Variants in DDX10 observed in about 807,000 individuals in gnomAD.
The protein encoded by DDX10 is probable ATP-dependent RNA helicase DDX10.
A neutral mutation model predicts 104.3 loss-of-function variants in DDX10; 74 were observed. The observed-to-expected ratio is 0.71, with a 90% CI of 0.59 to 0.86. DDX10 has a LOEUF of 0.86. DDX10 is among the 40% of genes least tolerant of loss of function. The probability of loss-of-function intolerance (pLI) is 0.00; values close to 1 mark genes in which losing one functional copy is unlikely to be tolerated. For missense variants in DDX10, 952 were observed against 1,040.0 expected, an observed-to-expected ratio of 0.92 and a Z score of 1.16; for synonymous variants, 351 against 353.4, an observed-to-expected ratio of 0.99 and a Z score of 0.08.
chr11:108,711,790 A>G (rs998037540), intron 10 of DDX10, among the ~76,000 whole-genome samples: 20 of 152,196 alleles, frequency 1.3e-4, no homozygotes, highest in African/African-American at 4.6e-4. Context: ...ATGTTGTTGG[A>G]TAAAGTAGTC....
At chr11:108,897,820 A>C (rs1163897873) in intron 16 of DDX10, among the ~76,000 whole-genome samples, 1 of 152,142 alleles carries the variant, frequency 6.6e-6, no homozygotes, top group African/African-American at 2.4e-5. Context: ...TTTCAAATAC[A>C]GAAGTCTTTT....
intron 17 of DDX10, among the ~76,000 whole-genome samples, chr11:108,934,375 A>G (rs1469168457): frequency 6.6e-6 from 1 of 152,228 alleles, no homozygotes; most frequent in East Asian, 1.9e-4. Context: ...ATGCAGGTAG[A>G]AACATCCAGG....
chr11:108,865,108 G>A (rs1266704668), intron 16 of DDX10, among the ~76,000 whole-genome samples: 1 of 152,210 alleles, frequency 6.6e-6, no homozygotes, highest in East Asian at 1.9e-4. Context: ...AAATCCTGTT[G>A]TGTGTTCAGC....
intron 16 of DDX10, among the ~76,000 whole-genome samples, chr11:108,891,452 A>G (rs1358804911): frequency 6.6e-6 from 1 of 152,190 alleles, no homozygotes; most frequent in Non-Finnish European, 1.5e-5. Context: ...ATGTGCAGAA[A>G]GCATTTATGA....
At chr11:108,815,718 T>A (rs374574670) in intron 13 of DDX10, among the ~76,000 whole-genome samples, 4 of 152,244 alleles carry the variant, frequency 2.6e-5, no homozygotes, top group African/African-American at 9.6e-5. Context: ...ATAAGAATTC[T>A]TTATAATCCT....
intron 13 of DDX10, among the ~76,000 whole-genome samples, chr11:108,797,506 G>C (rs902980248): frequency 6.6e-6 from 1 of 152,158 alleles, no homozygotes; most frequent in East Asian, 1.9e-4. Flanking sequence ...TAACAAAATA[G>C]ATAAATGATT....
At chr11:108,763,161 G>T (rs955810610) in intron 13 of DDX10, among the ~76,000 whole-genome samples, 37 of 152,204 alleles carry the variant, frequency 2.4e-4, no homozygotes, top group African/African-American at 8.9e-4. Flanking sequence ...TAGAGGCAGA[G>T]AAGGGTCTGG....
intron 17 of DDX10, among the ~76,000 whole-genome samples, chr11:108,931,246 T>C (rs1371166601): frequency 6.6e-6 from 1 of 152,192 alleles, no homozygotes; most frequent in Non-Finnish European, 1.5e-5. Context: ...ATGCCCACCA[T>C]GGGGAGTTGG....
intron 17 of DDX10, among the ~76,000 whole-genome samples, chr11:108,924,512 A>C (rs962606877): frequency 3.9e-5 from 6 of 152,328 alleles, no homozygotes; most frequent in African/African-American, 1.4e-4. Flanking sequence ...TCAAAAGACT[A>C]ATCAAGGTTT....
intron 1 of DDX10, among the ~76,000 whole-genome samples, chr11:108,672,093 T>C (rs1230302407): frequency 1.4e-5 from 2 of 146,366 alleles, no homozygotes; most frequent in African/African-American, 5.1e-5. Context: ...AAAAGGAATA[T>C]GGTATATAGT....
chr11:108,856,023 G>A (rs1230027749), intron 16 of DDX10, among the ~76,000 whole-genome samples: 1 of 152,102 alleles, frequency 6.6e-6, no homozygotes, highest in Non-Finnish European at 1.5e-5. Flanking sequence ...AACAAATAGT[G>A]GTTTTAGGTA....
chr11:108,810,728 C>T (rs1411096787), intron 13 of DDX10, among the ~76,000 whole-genome samples: 1 of 152,148 alleles, frequency 6.6e-6, no homozygotes, highest in Non-Finnish European at 1.5e-5. Context: ...CAAACACACA[C>T]ACAACTAGAA....
At chr11:108,919,427 TC>T (rs755399461) in intron 17 of DDX10, 7 of 152,234 alleles carry the variant, frequency 4.6e-5, no homozygotes, top group Non-Finnish European at 1.0e-4. Flanking sequence ...TGCTCTGAGT[TC>T]CTTGGTGTAT....
At chr11:108,903,373 T>A (rs1344458059) in intron 16 of DDX10, among the ~76,000 whole-genome samples, 2 of 152,192 alleles carry the variant, frequency 1.3e-5, no homozygotes, top group Non-Finnish European at 2.9e-5. Context: ...TCCTCCATGT[T>A]GTAGCATATA....
chr11:108,852,964 G>T (rs1734951643), intron 16 of DDX10, among the ~76,000 whole-genome samples: 1 of 152,174 alleles, frequency 6.6e-6, no homozygotes, highest in South Asian at 2.1e-4. Context: ...CCTTGAGGAA[G>T]CCTATAATAT....
intron 4 of DDX10, among the ~76,000 whole-genome samples, chr11:108,677,469 C>T (rs1397176879): frequency 1.3e-5 from 2 of 151,918 alleles, no homozygotes; most frequent in East Asian, 1.9e-4. Flanking sequence ...ATTGATTAGC[C>T]TCTCTAAGAC....
chr11:108,697,463 T>C (rs528935959), intron 9 of DDX10, among the ~76,000 whole-genome samples: 1 of 152,312 alleles, frequency 6.6e-6, no homozygotes, highest in South Asian at 2.1e-4. Context: ...ATTAGCAAAA[T>C]AGCTAAGATT....
chr11:108,775,365 T>C (rs559484833), intron 13 of DDX10, among the ~76,000 whole-genome samples: 7 of 152,278 alleles, frequency 4.6e-5, no homozygotes, highest in African/African-American at 1.7e-4. Flanking sequence ...TATTTGACAA[T>C]TGAGTGAATG....
intron 13 of DDX10, among the ~76,000 whole-genome samples, chr11:108,770,508 C>A (rs2094361733): frequency 7.5e-6 from 1 of 134,114 alleles, no homozygotes; most frequent in Non-Finnish European, 1.6e-5. Flanking sequence ...CCCCCTGCAC[C>A]AACCCCCACT....
Sources: allele counts gnomAD v4.1 joint callset (sites outside exome capture counted in the v4.1 genomes callset), GRCh38; gene constraint gnomAD v4.1.1; transcripts MANE v1.5; gene names NCBI Gene and HGNC (gene_info 2026-07-23, HGNC 2026-07-21).